Variants in STK31 observed in about 807,000 individuals in gnomAD.
The protein encoded by STK31 is serine/threonine-protein kinase 31.
In STK31, 89 loss-of-function variants were observed where a neutral mutation model predicts 129.7. That is an observed-to-expected ratio of 0.69 (90% CI 0.58 to 0.82). The LOEUF (loss-of-function observed/expected upper bound fraction) is 0.82. STK31 is among the 40% of genes least tolerant of loss of function. The pLI is 0.00. For missense variants in STK31, 1,187 were observed against 1,176.4 expected (o/e 1.01, Z -0.13); for synonymous variants, 448 against 395.3 (o/e 1.13, Z -1.58).
At chr7:23,729,296 G>A (rs1247935848) in intron 6 of STK31, 47 bp downstream of exon 6, 2 of 1,500,874 alleles carry the variant, frequency 1.3e-6, no homozygotes, top group East Asian at 2.4e-5. Flanking sequence ...GTAAAACTAT[G>A]TGCTTGAAAC....
rs71552258 is a variant in STK31 at position 23,808,943 on chromosome 7, T to TTATGTGTGTGTGTGTGTG, written c.2761-6200_2761-6199insATGTGTGTGTGTGTGTGT. Among the ~76,000 whole-genome samples, 174 of 84,532 alleles carry TTATGTGTGTGTGTGTGTG rather than the reference T, an allele frequency of 2.1e-3. 1 individual carries two copies. Among genetic ancestry groups the TTATGTGTGTGTGTGTGTG allele is most frequent in the African/African-American group, 3.7e-3 (104 of 28,316 alleles). 55.5% of individuals were successfully genotyped at this position (84,532 alleles called of 152,430 possible). On this transcript the variant is annotated intron_variant, in intron 22 of 23. Transcript: ENST00000355870. ...AGGAAGCAGGCTTTTCTTGGAGCTTTTGTGTGTGTGTGTGTGTGTGTGTGT... is the reference window on the plus strand; with the variant it reads ...AGGAAGCAGGCTTTTCTTGGAGCTTTTATGTGTGTGTGTGTGTGTGTGTGTGTGTGTGTGTGTGTGTGT...
intron 8 of STK31, among the ~76,000 whole-genome samples, chr7:23,747,704 C>T (rs1052404542): frequency 2.0e-5 from 3 of 152,164 alleles, no homozygotes; most frequent in African/African-American, 7.2e-5. Flanking sequence ...TGGCAGATTA[C>T]GTCTTTCAAA....
chr7:23,771,163 T>A, intron 14 of STK31, 39 bp downstream of exon 14: 1 of 1,491,620 alleles, frequency 6.7e-7, no homozygotes, highest in East Asian at 2.6e-5. Context: ...TATAAATTGA[T>A]GATTTGAATT....
At chr7:23,717,616 C>T (rs1243764570) in intron 4 of STK31, 37 bp downstream of exon 4, 3 of 1,468,692 alleles carry the variant, frequency 2.0e-6, no homozygotes, top group Non-Finnish European at 2.8e-6. Context: ...TTTCATTCCT[C>T]CTGTCAGCTT....
intron 23 of STK31, among the ~76,000 whole-genome samples, 181 bp downstream of exon 23, chr7:23,815,393 C>T (rs752625807): frequency 3.3e-5 from 5 of 152,080 alleles, no homozygotes; most frequent in East Asian, 1.9e-4. Context: ...ACCAGGGTTA[C>T]TCTGCTGGGT....
intron 8 of STK31, among the ~76,000 whole-genome samples, chr7:23,747,156 G>A (rs1788406835): frequency 6.6e-6 from 1 of 151,972 alleles, no homozygotes; most frequent in African/African-American, 2.4e-5. Context: ...GTTGTTTTCT[G>A]ATTTCAGTAT....
intron 6 of STK31, 121 bp downstream of exon 6, chr7:23,729,370 G>A: frequency 1.1e-6 from 1 of 898,062 alleles, no homozygotes; most frequent in African/African-American, 1.7e-5. Flanking sequence ...TGAAAAATAG[G>A]AATTATAATT....
chr7:23,725,725 GAGTT>G (rs1290605000), intron 4 of STK31, among the ~76,000 whole-genome samples: 10 of 152,286 alleles, frequency 6.6e-5, no homozygotes, highest in African/African-American at 2.2e-4. Flanking sequence ...GTATAGTTGA[GAGTT>G]AGACTTAAGT....
At chr7:23,828,303 C>T (rs1794305727) in intron 23 of STK31, among the ~76,000 whole-genome samples, 1 of 152,218 alleles carries the variant, frequency 6.6e-6, no homozygotes, top group Non-Finnish European at 1.5e-5. Context: ...GCAGGCACCC[C>T]TCCCCCAGCC....
In STK31 at chr7:23,752,730, C is replaced by A; in HGVS notation, c.1031C>A (p.Ala344Asp). The A allele has an allele frequency of 6.2e-7, 1 of 1,612,386 alleles. No homozygotes were observed. The highest frequency in any genetic ancestry group is 8.5e-7 in the Non-Finnish European group (1 of 1,178,612). Residue 344 changes from alanine to aspartate, a missense_variant, in exon 9 of 24, where the codon GCT becomes GAT. Physicochemically the swap from Ala to Asp is moderately radical, Grantham distance 126 (BLOSUM62 -2). This residue lies in a region of STK31 where 975 missense variants were observed against 934.9 expected (regional missense o/e 1.04). Transcript: ENST00000355870. ...IAQELQQEKA[A>D]AVDLTNHLEY... is the part of the protein sequence containing the mutation. ...TCTTTGTTTCAGCAAGAGAAGGCAG[C>A]TGCTGTGGATTTGACTAACCACTTA...
At chr7:23,796,628 CA>C (rs1791975173) in intron 22 of STK31, among the ~76,000 whole-genome samples, 1 of 152,124 alleles carries the variant, frequency 6.6e-6, no homozygotes, top group Admixed American at 6.5e-5. Context: ...GGATGCAGAA[CA>C]GTTCCATAAC....
At chr7:23,756,046 G>C (rs1325829616) in intron 10 of STK31, among the ~76,000 whole-genome samples, 7 of 152,192 alleles carry the variant, frequency 4.6e-5, no homozygotes, top group Admixed American at 4.6e-4. Context: ...GTCAATGGTA[G>C]CTTGATGGGA....
At chr7:23,785,443 T>C (rs1791210886) in intron 17 of STK31, 35 bp from the exon 18 acceptor site, 1 of 1,601,108 alleles carries the variant, frequency 6.2e-7, no homozygotes, top group Non-Finnish European at 8.5e-7. Flanking sequence ...TGGGATTGTT[T>C]GGATTCTTTA....
chr7:23,756,702 G>A (rs545115125), intron 10 of STK31, among the ~76,000 whole-genome samples: 72 of 152,248 alleles, frequency 4.7e-4, no homozygotes, highest in African/African-American at 1.7e-3. Context: ...TAACATGAAG[G>A]CATGTTGAAT....
At chr7:23,746,319 C>A (rs1029581097) in intron 8 of STK31, among the ~76,000 whole-genome samples, 1 of 152,166 alleles carries the variant, frequency 6.6e-6, no homozygotes, top group Non-Finnish European at 1.5e-5. Flanking sequence ...ATATGGGCCA[C>A]TGGGGTCTCT....
At chr7:23,776,785 AT>A (rs548562817) in intron 15 of STK31, among the ~76,000 whole-genome samples, 8 of 151,156 alleles carry the variant, frequency 5.3e-5, no homozygotes, top group Admixed American at 1.3e-4. Flanking sequence ...GGATTCATTG[AT>A]TTTTTTTTGA....
intron 3 of STK31, among the ~76,000 whole-genome samples, chr7:23,716,724 C>A (rs961529877): frequency 1.7e-4 from 26 of 151,194 alleles, no homozygotes; most frequent in African/African-American, 4.4e-4. Flanking sequence ...CAGCCTTGGC[C>A]ATTGGGACAA....
chr7:23,827,862 C>T (rs1794271088), intron 23 of STK31, among the ~76,000 whole-genome samples: 1 of 152,220 alleles, frequency 6.6e-6, no homozygotes, highest in Non-Finnish European at 1.5e-5. Flanking sequence ...AGGTCCACTC[C>T]AGACCCTGTT....
intron 20 of STK31, among the ~76,000 whole-genome samples, chr7:23,787,741 T>TACACACAC (rs71888376): frequency 1.2e-4 from 17 of 145,638 alleles, no homozygotes; most frequent in East Asian, 6.2e-4. Flanking sequence ...GGTATGATTG[T>TACACACAC]ACACACACAC....
Sources: allele counts gnomAD v4.1 joint callset (sites outside exome capture counted in the v4.1 genomes callset), GRCh38; gene constraint gnomAD v4.1.1; regional missense constraint gnomAD v4.1.1; transcripts MANE v1.5; gene names NCBI Gene and HGNC (gene_info 2026-07-23, HGNC 2026-07-21).